The following CLVS1 variants were observed in gnomAD, a reference collection of about 807,000 sequenced individuals.
CLVS1 encodes the protein clavesin 1.
A neutral mutation model predicts 33.1 loss-of-function variants in CLVS1; 10 were observed. The observed-to-expected ratio is 0.30, with a 90% CI of 0.19 to 0.51. The LOEUF (loss-of-function observed/expected upper bound fraction) is 0.51. CLVS1 is among the 20% of genes least tolerant of loss of function. CLVS1 has a pLI of 0.97. For synonymous variants in CLVS1, 163 were observed against 166.1 expected (o/e 0.98, Z 0.14); for missense variants, 343 against 433.4 (o/e 0.79, Z 1.85).
chr8:61,266,720 C>T (rs568090113), intron 2 of CLVS1, among the ~76,000 whole-genome samples: 43 of 152,304 alleles, frequency 2.8e-4, no homozygotes, highest in Non-Finnish European at 3.2e-4. Context: ...TGCAATGGTT[C>T]TTTTCCCCTC....
At chr8:61,131,903 T>G (rs1806106202) in intron 2 of CLVS1, 1 of 152,218 alleles carries the variant, frequency 6.6e-6, no homozygotes, top group African/African-American at 2.4e-5. Flanking sequence ...TGCATAAACT[T>G]CAGTGCTCGG....
intron 3 of CLVS1, among the ~76,000 whole-genome samples, chr8:61,442,169 T>C (rs1380705523): frequency 6.6e-6 from 1 of 152,200 alleles, no homozygotes; most frequent in Non-Finnish European, 1.5e-5. Flanking sequence ...ATCATTTCAA[T>C]AATGTCATAT....
At chr8:61,396,537 A>G (rs545570444) in intron 3 of CLVS1, among the ~76,000 whole-genome samples, 1 of 152,332 alleles carries the variant, frequency 6.6e-6, no homozygotes, top group South Asian at 2.1e-4. Flanking sequence ...AGCTTGAGAT[A>G]TAATTCATAT....
intron 2 of CLVS1, among the ~76,000 whole-genome samples, chr8:61,351,972 A>C (rs1313281853): frequency 6.6e-6 from 1 of 152,116 alleles, no homozygotes; most frequent in Non-Finnish European, 1.5e-5. Context: ...TAGAAGAAAG[A>C]ATCTTGAAAT....
At chr8:61,246,540 T>C (rs1393121478) in intron 2 of CLVS1, among the ~76,000 whole-genome samples, 1 of 152,180 alleles carries the variant, frequency 6.6e-6, no homozygotes, top group African/African-American at 2.4e-5. Context: ...GGCATTATTA[T>C]TGCATGGCAT....
At chr8:61,357,494 CTTTTTTTTTTTTT>C (rs1167743712) in intron 2 of CLVS1, among the ~76,000 whole-genome samples, 313 of 25,832 alleles carry the variant, frequency 0.012, 4 homozygotes, top group African/African-American at 0.029. Flanking sequence ...TTTTTCTTTT[CTTTTTTTTTTTTT>C]TTTTTTTTTT....
At chr8:61,059,699 T>C (rs1804549522) in intron 1 of CLVS1, among the ~76,000 whole-genome samples, 1 of 150,730 alleles carries the variant, frequency 6.6e-6, no homozygotes, top group African/African-American at 2.4e-5. Flanking sequence ...TGATCCCAGC[T>C]ACTCGGGAGG....
At chr8:61,043,563 C>T in the CLVS1 span, among the ~76,000 whole-genome samples, 2 of 152,218 alleles carry the variant, frequency 1.3e-5, no homozygotes, top group African/African-American at 2.4e-5. Context: ...ATGGGGGATG[C>T]AGTTATTGAT....
intron 2 of CLVS1, among the ~76,000 whole-genome samples, chr8:61,248,435 C>T (rs1808862705): frequency 6.6e-6 from 1 of 151,954 alleles, no homozygotes; most frequent in Non-Finnish European, 1.5e-5. Context: ...GGATGCTTTT[C>T]CATTTGTTTG....
At chr8:61,349,538 G>A (rs1812362470) in intron 2 of CLVS1, among the ~76,000 whole-genome samples, 1 of 152,112 alleles carries the variant, frequency 6.6e-6, no homozygotes, top group South Asian at 2.1e-4. Flanking sequence ...GACCAGGTTT[G>A]GGTGGGCAGA....
intron 3 of CLVS1, among the ~76,000 whole-genome samples, chr8:61,401,332 T>A (rs1182174352): frequency 1.3e-5 from 2 of 152,138 alleles, no homozygotes; most frequent in Non-Finnish European, 2.9e-5. Context: ...AGAATAGACA[T>A]TCTTGTCTTT....
the CLVS1 span, among the ~76,000 whole-genome samples, chr8:61,021,279 G>A: frequency 1.6e-4 from 24 of 152,262 alleles, no homozygotes; most frequent in East Asian, 4.2e-3. Flanking sequence ...TCCTTGGATG[G>A]CTGGTCTCCT....
intron 2 of CLVS1, chr8:61,264,866 G>A (rs896973644): frequency 5.3e-5 from 8 of 152,214 alleles, no homozygotes; most frequent in African/African-American, 1.9e-4. Context: ...ACAACTCAGA[G>A]ACATACGTTG....
Position 61,356,044 on chromosome 8 carries a change from T to G in CLVS1, c.456-20561T>G, listed in dbSNP as rs545827762. ...CAGTCCCACCAACAGTGTAAAAGTG[T>G]TCCTATTTCTCCACATCCTCTCCAG... On this transcript the variant is annotated intron_variant, in intron 2 of 5. Transcript: ENST00000325897. 5.1e-3 allele frequency among the ~76,000 whole-genome samples: 781 copies of G among 152,232 alleles called. 4 individuals are homozygous for G. Among genetic ancestry groups the G allele is most frequent in the African/African-American group, 0.017 (715 of 41,544 alleles).
chr8:61,131,051 A>G (rs945726592), intron 1 of CLVS1, among the ~76,000 whole-genome samples: 7 of 152,176 alleles, frequency 4.6e-5, no homozygotes, highest in Admixed American at 1.3e-4. Context: ...GCTCATCTGC[A>G]TATCTGGAGA....
intron 3 of CLVS1, among the ~76,000 whole-genome samples, chr8:61,381,579 G>A (rs753580308): frequency 1.9e-4 from 29 of 152,048 alleles, no homozygotes; most frequent in Middle Eastern, 3.4e-3. Flanking sequence ...TTTGTTCCTC[G>A]CCCTCCTTCT....
chr8:60,983,181 A>G, the CLVS1 span, among the ~76,000 whole-genome samples: 2 of 152,294 alleles, frequency 1.3e-5, no homozygotes, highest in East Asian at 3.9e-4. Flanking sequence ...GACACCTCTC[A>G]AGGTCACCTC....
intron 2 of CLVS1, among the ~76,000 whole-genome samples, chr8:61,350,369 A>G (rs1011742865): frequency 9.9e-5 from 15 of 152,048 alleles, no homozygotes; most frequent in Admixed American, 1.3e-4. Flanking sequence ...AATTCTCTCT[A>G]TCTCCCAAGT....
intron 3 of CLVS1, chr8:61,377,782 A>G (rs1410938845): frequency 6.6e-6 from 1 of 152,168 alleles, no homozygotes; most frequent in East Asian, 1.9e-4. Context: ...TATTGAATGG[A>G]TCTTATTTTA....
Sources: allele counts gnomAD v4.1 joint callset (sites outside exome capture counted in the v4.1 genomes callset), GRCh38; gene constraint gnomAD v4.1.1; transcripts MANE v1.5; gene names NCBI Gene and HGNC (gene_info 2026-07-23, HGNC 2026-07-21).